Variants in ADAMTSL3 observed in about 807,000 individuals in gnomAD.
ADAMTSL3 encodes ADAMTS like 3.
In ADAMTSL3, 128 loss-of-function variants were observed where a neutral mutation model predicts 201.7. That is an observed-to-expected ratio of 0.63 (90% confidence interval 0.55 to 0.73). The LOEUF (loss-of-function observed/expected upper bound fraction) is 0.73, where lower values mean the gene tolerates loss of function less well. Ranked by LOEUF, ADAMTSL3 falls within the 30% of genes least tolerant of loss-of-function variation. ADAMTSL3 has a pLI of 0.00. For synonymous variants in ADAMTSL3, 738 were observed against 748.4 expected, an observed-to-expected ratio of 0.99 and a Z score of 0.23; for missense variants, 1,990 against 2,119.6, an observed-to-expected ratio of 0.94 and a Z score of 1.20.
At position 83,654,132 on chromosome 15, in the gene ADAMTSL3, C is replaced by G. The variant is rs1255471586; in HGVS notation, c.-178C>G. ...GGCGGCGGCGGCGACTGCGGCGCCG[C>G]GGGCTGGAGGCCGGCGTCGGGGAAG... is the stretch of plus-strand genomic sequence containing the variant. On this transcript the variant is annotated 5_prime_UTR_variant, in exon 1 of 30. Transcript: ENST00000286744. This position sits in a 1 kb window ranked among gnomAD's most constrained non-coding sequence, Gnocchi z 5.3. 6.6e-6 allele frequency: 1 copy of G among 151,846 alleles called. No individual in the cohort carries two copies. Among genetic ancestry groups the G allele is most frequent in the Admixed American group, 6.6e-5 (1 of 15,232 alleles). 9.4% of individuals were successfully genotyped at this position (151,846 alleles called of 1,614,324 possible). A position where few individuals can be genotyped will look rare whatever the true frequency, so the allele number is the denominator to read the frequency against.
chr15:83,880,824 G>A (rs2065255124), intron 9 of ADAMTSL3, among the ~76,000 whole-genome samples: 1 of 152,206 alleles, frequency 6.6e-6, no homozygotes, highest in African/African-American at 2.4e-5. Flanking sequence ...CAGGGTTGCA[G>A]GAGGTGGTAA....
At chr15:83,962,438 T>G (rs2066990697) in intron 19 of ADAMTSL3, 1 of 152,212 alleles carries the variant, frequency 6.6e-6, no homozygotes, top group Non-Finnish European at 1.5e-5. Context: ...GTTTATTTAA[T>G]CTTCTTTATT....
At chr15:83,953,496 G>T (rs983495200) in intron 19 of ADAMTSL3, among the ~76,000 whole-genome samples, 4 of 151,980 alleles carry the variant, frequency 2.6e-5, no homozygotes, top group African/African-American at 9.7e-5. Flanking sequence ...TGCTATCCTG[G>T]CTTGAAAGTT....
Position 84,016,416 on chromosome 15 carries a change from TG to T in ADAMTSL3, c.4191del (p.Gln1398LysfsTer56), listed in dbSNP as rs2068087981. 2 of 1,614,078 alleles carry T rather than the reference TG, an allele frequency of 1.2e-6. No homozygotes were observed. Among genetic ancestry groups the T allele is most frequent in the Non-Finnish European group, 1.7e-6 (2 of 1,179,988 alleles). On this transcript the variant is annotated frameshift_variant, in exon 25 of 30. Transcript: ENST00000286744. LOFTEE classifies it high-confidence loss of function. ...TGGCCAGAGAGTAGAATCGTATTTC[TG>T]CAAGGACATAAAAAGTACATTCTCC... ...RRWPESRIVF[L>X]QGHKKYILQA...
chr15:83,986,682 T>C (rs555098671), intron 21 of ADAMTSL3, among the ~76,000 whole-genome samples: 2 of 152,324 alleles, frequency 1.3e-5, no homozygotes, highest in East Asian at 1.9e-4. Flanking sequence ...GTTGAAGTAA[T>C]TGAGAAATGG....
intron 2 of ADAMTSL3, among the ~76,000 whole-genome samples, chr15:83,676,433 C>T (rs1258097639): frequency 1.3e-5 from 2 of 152,124 alleles, no homozygotes; most frequent in Non-Finnish European, 2.9e-5. Context: ...AATCCTAGCA[C>T]TTTGGGAGGC....
At chr15:83,718,615 C>T (rs1042447624) in intron 3 of ADAMTSL3, among the ~76,000 whole-genome samples, 5 of 149,994 alleles carry the variant, frequency 3.3e-5, no homozygotes, top group East Asian at 2.0e-4. Context: ...TGCTTGAACC[C>T]GGGAGGCAGA....
intron 3 of ADAMTSL3, among the ~76,000 whole-genome samples, chr15:83,767,574 A>G (rs2141726739): frequency 6.6e-6 from 1 of 152,292 alleles, no homozygotes; most frequent in East Asian, 1.9e-4. Flanking sequence ...AGTCAGCTGT[A>G]TTTTATTGTC....
intron 16 of ADAMTSL3, among the ~76,000 whole-genome samples, chr15:83,915,444 A>T (rs2066017434): frequency 1.3e-5 from 2 of 151,906 alleles, no homozygotes; most frequent in Non-Finnish European, 2.9e-5. Flanking sequence ...GTACCCACTG[A>T]GATGGCCCTA....
At chr15:83,668,450 A>G (rs1194547932) in intron 2 of ADAMTSL3, among the ~76,000 whole-genome samples, 1 of 151,874 alleles carries the variant, frequency 6.6e-6, no homozygotes, top group East Asian at 1.9e-4. Context: ...CTGAAGTGTC[A>G]TATCAGGACA....
rs2063572489 is a variant in ADAMTSL3, at chr15:83,804,517, C to T, written c.318-133C>T. On this transcript the variant is annotated intron_variant, in intron 4 of 29. Coordinates refer to ENST00000286744, the MANE Select transcript of ADAMTSL3 (RefSeq NM_207517.3). The stretch of plus-strand genomic sequence containing the variant: ...AGTTTCTTAGAATTAAACTTTGAAT[C>T]TTTGGGGTAATGTGCACTAGTAAAA... The T allele has an allele frequency of 1.3e-5, 8 of 606,840 alleles. No individual in the cohort carries two copies. In the South Asian group the frequency reaches 1.6e-4, roughly 12 times the overall value. 37.6% of individuals were successfully genotyped at this position (606,840 alleles called of 1,614,324 possible). A position where few individuals can be genotyped will look rare whatever the true frequency, so the allele number is the denominator to read the frequency against.
chr15:83,864,133 C>T (rs1190077816), intron 8 of ADAMTSL3, among the ~76,000 whole-genome samples: 1 of 152,014 alleles, frequency 6.6e-6, no homozygotes, highest in Non-Finnish European at 1.5e-5. Flanking sequence ...AGCCTACCAA[C>T]CAAAAAAAGT....
intron 19 of ADAMTSL3, among the ~76,000 whole-genome samples, chr15:83,964,420 T>A (rs1389041905): frequency 6.6e-6 from 1 of 151,720 alleles, no homozygotes; most frequent in Non-Finnish European, 1.5e-5. Context: ...AGAACAAGGA[T>A]ATCAGAGATT....
At chr15:83,963,611 G>T (rs1166343384) in intron 19 of ADAMTSL3, among the ~76,000 whole-genome samples, 1 of 152,228 alleles carries the variant, frequency 6.6e-6, no homozygotes, top group East Asian at 1.9e-4. Flanking sequence ...CTGCCTGCTG[G>T]CTCTGAAGAG....
At chr15:83,874,911 T>G (rs1445534261) in intron 9 of ADAMTSL3, among the ~76,000 whole-genome samples, 1 of 145,458 alleles carries the variant, frequency 6.9e-6, no homozygotes, top group African/African-American at 2.6e-5. Context: ...GGAAGCCCGG[T>G]AGGCGTTTGT....
chr15:83,688,880 C>G (rs1465385912), intron 2 of ADAMTSL3, among the ~76,000 whole-genome samples: 1 of 152,168 alleles, frequency 6.6e-6, no homozygotes, highest in Non-Finnish European at 1.5e-5. Flanking sequence ...ATGATCTTGG[C>G]TCACTGCAGC....
intron 2 of ADAMTSL3, among the ~76,000 whole-genome samples, chr15:83,668,486 T>C (rs2061280478): frequency 6.6e-6 from 1 of 151,848 alleles, no homozygotes; most frequent in South Asian, 2.1e-4. Context: ...TTATGTAAAT[T>C]ATTTTTTATT....
chr15:83,826,599 A>G (rs971775687), intron 6 of ADAMTSL3, among the ~76,000 whole-genome samples: 7 of 151,644 alleles, frequency 4.6e-5, no homozygotes, highest in Admixed American at 6.6e-5. Context: ...CCATGTTGGA[A>G]TGCTGCACCC....
chr15:83,688,781 CAT>C (rs1555430364), intron 2 of ADAMTSL3, among the ~76,000 whole-genome samples: 42 of 147,464 alleles, frequency 2.8e-4, no homozygotes, highest in South Asian at 8.4e-4. Flanking sequence ...CACACACACA[CAT>C]ACACACACAC....
Sources: allele counts gnomAD v4.1 joint callset (sites outside exome capture counted in the v4.1 genomes callset), GRCh38; gene constraint gnomAD v4.1.1; non-coding constraint Gnocchi (gnomAD v3.1); transcripts MANE v1.5; gene names NCBI Gene and HGNC (gene_info 2026-07-23, HGNC 2026-07-21).